Variants in EIF2B5 observed in about 807,000 individuals in gnomAD.
EIF2B5 encodes eukaryotic translation initiation factor 2B subunit epsilon, also known as translation initiation factor eIF2B subunit epsilon.
In EIF2B5, 38 loss-of-function variants were observed where a neutral mutation model predicts 87.3. The ratio of observed to expected loss-of-function variants is 0.44; its 90% CI spans 0.34 to 0.57. EIF2B5 has a LOEUF of 0.57. Ranked by LOEUF, EIF2B5 falls within the 20% of genes least tolerant of loss-of-function variation. The pLI, the probability that EIF2B5 is intolerant of heterozygous loss-of-function variation, is 0.02. For synonymous variants in EIF2B5, 313 were observed against 339.6 expected (o/e 0.92, Z 0.86); for missense variants, 784 against 909.5 (o/e 0.86, Z 1.78).
At position 184,143,077 on chromosome 3, in the gene EIF2B5, A is replaced by T. The variant is rs748631463; in HGVS notation, c.1680A>T (p.Thr560=). Residue 560 remains threonine, a synonymous_variant, in exon 12 of 16, where the codon ACA becomes ACT. Coordinates refer to ENST00000648915, the MANE Select transcript of EIF2B5 (RefSeq NM_003907.3). The part of the protein sequence containing the change: ...IKVFQNEVLG[T]LQRGKEENIS... ...TGTTCCAGAATGAAGTTTTAGGAAC[A>T]CTACAGCGGGGCAAAGAGGAGAACA... 10 of 1,613,794 alleles carry T rather than the reference A, an allele frequency of 6.2e-6. No individual in the cohort carries two copies. The East Asian group carries it at 1.8e-4, about 29-fold the overall frequency.
chr3:184,144,529 A>T, intron 14 of EIF2B5, 68 bp from the exon 15 acceptor site: 1 of 1,401,802 alleles, frequency 7.1e-7, no homozygotes, highest in Non-Finnish European at 1.0e-6. Flanking sequence ...GAGGGATCTG[A>T]GGGCCTGGTA....
At chr3:184,139,479 C>T (rs1347198405) in intron 5 of EIF2B5, among the ~76,000 whole-genome samples, 2 of 151,300 alleles carry the variant, frequency 1.3e-5, no homozygotes, top group African/African-American at 2.4e-5. Context: ...CGAGGTTTTA[C>T]CATGTTGGTC....
chr3:184,140,375 C>T, intron 6 of EIF2B5, 43 bp from the exon 7 acceptor site: 2 of 1,606,060 alleles, frequency 1.2e-6, no homozygotes, highest in Non-Finnish European at 1.7e-6. Context: ...GGCATTCTTC[C>T]TGTCTTTCTT....
rs867266088 is a variant in EIF2B5, at chr3:184,136,823, G to A, written c.320+87G>A. ...ATGTAACTAAGGGGAAATGTGAGAG[G>A]GGAAAAATGTGTCTACTTAGATGTC... is the stretch of plus-strand genomic sequence containing the variant. On this transcript the variant is annotated intron_variant, in intron 2 of 15. Transcript: ENST00000648915. 1.5e-5 allele frequency: 24 copies of A among 1,575,952 alleles called. 1 individual carries two copies. The highest frequency in any genetic ancestry group is 3.3e-4 in the Middle Eastern group (2 of 6,014).
intron 13 of EIF2B5, chr3:184,143,860 C>T: frequency 1.4e-6 from 1 of 698,566 alleles, no homozygotes; most frequent in South Asian, 1.8e-5. Flanking sequence ...CAAGATCAGC[C>T]TCTGGGGTGG....
intron 7 of EIF2B5, 75 bp downstream of exon 7, chr3:184,140,805 A>T (rs114094996): frequency 6.6e-7 from 1 of 1,524,828 alleles, no homozygotes; most frequent in Non-Finnish European, 9.0e-7. Flanking sequence ...CAGAAACACA[A>T]GGGATGGCTA....
Position 184,145,003 on chromosome 3 carries a change from C to A in EIF2B5, c.*60C>A. The stretch of plus-strand genomic sequence containing the variant: ...TGCCCTCCTGGCTCCTGGGCTGGGA[C>A]AAGTGAGGAACTAGCTGCAGAGGGA... On this transcript the variant is annotated 3_prime_UTR_variant, in exon 16 of 16. Coordinates refer to ENST00000648915, the MANE Select transcript of EIF2B5 (RefSeq NM_003907.3). This position sits in a 1 kb window ranked among gnomAD's most constrained non-coding sequence, Gnocchi z 4.0. 2 of 1,523,106 alleles carry A rather than the reference C, an allele frequency of 1.3e-6. No individual in the cohort carries two copies. The highest frequency in any genetic ancestry group is 9.1e-7 in the Non-Finnish European group (1 of 1,101,828). 94.3% of individuals were successfully genotyped at this position (1,523,106 alleles called of 1,614,324 possible).
rs28939717 is a variant in EIF2B5, at chr3:184,136,687, A to G, written c.271A>G (p.Thr91Ala). 83 of 1,614,210 alleles carry G rather than the reference A, an allele frequency of 5.1e-5. No individual in the cohort carries two copies. Among genetic ancestry groups the G allele is most frequent in the Non-Finnish European group, 7.0e-5 (83 of 1,180,046 alleles). ...EFLTATGVQE[T>A]FVFCCWKAAQ... Reference sequence around the variant, plus strand: ...CCTGACTGCCACAGGTGTACAGGAAACATTTGTCTTTTGTTGCTGGAAAGC... The same window carrying G: ...CCTGACTGCCACAGGTGTACAGGAAGCATTTGTCTTTTGTTGCTGGAAAGC... The change falls in exon 2 of 16, where the codon ACA becomes GCA. Residue 91 changes from threonine to alanine, a missense_variant. By Grantham distance (58) the Thr-to-Ala change is moderately conservative. Coordinates refer to ENST00000648915, the MANE Select transcript of EIF2B5 (RefSeq NM_003907.3).
At position 184,142,212 on chromosome 3, in the gene EIF2B5, G is replaced by C; in HGVS notation, c.1303-25G>C. 1 of 1,614,024 alleles carries C rather than the reference G, an allele frequency of 6.2e-7. No individual in the cohort carries two copies. On this transcript the variant is annotated intron_variant, in intron 8 of 15. Coordinates refer to ENST00000648915, the MANE Select transcript of EIF2B5 (RefSeq NM_003907.3). The surrounding 1 kb of genome is among the most constrained non-coding windows in gnomAD (Gnocchi z 5.0). ...ATGCACTTTTCCTCCACACCCTAAT[G>C]GTTCTGTGTTTTTTTTCCCCTTAGG...
chr3:184,144,764 C>T, intron 15 of EIF2B5, 57 bp downstream of exon 15: 1 of 1,586,820 alleles, frequency 6.3e-7, no homozygotes, highest in Non-Finnish European at 8.6e-7. Context: ...AGGTCCTGGC[C>T]CCTAGACTCT....
intron 7 of EIF2B5, among the ~76,000 whole-genome samples, chr3:184,141,479 G>A (rs1159882182): frequency 6.6e-6 from 1 of 152,110 alleles, no homozygotes; most frequent in African/African-American, 2.4e-5. Context: ...TGAGGCAGGA[G>A]GATTACCTGA....
At chr3:184,143,252 G>T (rs1016680169) in intron 12 of EIF2B5, 110 bp downstream of exon 12, 4 of 1,471,206 alleles carry the variant, frequency 2.7e-6, no homozygotes, top group Non-Finnish European at 3.7e-6. Context: ...ATCCCAAATG[G>T]AAAGACCAGT....
chr3:184,140,313 G>A, intron 6 of EIF2B5, 105 bp from the exon 7 acceptor site: 6 of 1,416,914 alleles, frequency 4.2e-6, no homozygotes, highest in Non-Finnish European at 6.0e-6. Flanking sequence ...GAATCTTTGT[G>A]GCAGTGAGAG....
At chr3:184,137,547 G>A (rs1403864036) in intron 2 of EIF2B5, 73 bp from the exon 3 acceptor site, 2 of 1,494,904 alleles carry the variant, frequency 1.3e-6, no homozygotes, top group Non-Finnish European at 1.9e-6. Flanking sequence ...GCTGAAAGGG[G>A]GTGAAAAATG....
Position 184,137,702 on chromosome 3 carries a change from C to T in EIF2B5, c.403C>T (p.Leu135Phe), listed in dbSNP as rs1331159996. Reference protein sequence around the residue: ...SELYRSLGDVLRDVDAKALVR... With the variant: ...SELYRSLGDVFRDVDAKALVR... ...GCTCTATCGATCACTGGGAGATGTCCTCCGTGATGTTGATGCCAAGGCTTT... is the reference window on the plus strand; with the variant it reads ...GCTCTATCGATCACTGGGAGATGTCTTCCGTGATGTTGATGCCAAGGCTTT... The change falls in exon 3 of 16, where the codon CTC becomes TTC. Residue 135 changes from leucine to phenylalanine, a missense_variant. Physicochemically the swap from Leu to Phe is conservative, Grantham distance 22. Transcript: ENST00000648915. The T allele has an allele frequency of 1.9e-6, 3 of 1,614,060 alleles. No individual in the cohort carries two copies. Among genetic ancestry groups the T allele is most frequent in the Non-Finnish European group, 1.7e-6 (2 of 1,180,056 alleles).
chr3:184,144,913 G>A lies in EIF2B5; in HGVS notation c.2136G>A (p.Glu712=), dbSNP rs1713801289. The change falls in exon 16 of 16, where the codon GAG becomes GAA. Residue 712 remains glutamate, a synonymous_variant. Transcript: ENST00000648915. ...QLQRFIQWLK[E]AEEESSEDD ...AGAGGTTCATCCAGTGGCTAAAAGAGGCAGAAGAGGAGTCATCTGAAGATG... is the reference window on the plus strand; with the variant it reads ...AGAGGTTCATCCAGTGGCTAAAAGAAGCAGAAGAGGAGTCATCTGAAGATG... 4 of 1,613,652 alleles carry A rather than the reference G, an allele frequency of 2.5e-6. No homozygotes were observed. The highest frequency in any genetic ancestry group is 2.2e-5 in the South Asian group (2 of 91,014).
Position 184,135,440 on chromosome 3 carries a change from CGCAGCGGCGCGGGGCCGGGAG to C in EIF2B5, c.63_83del (p.Ala22_Gly28del). 1 of 1,581,118 alleles carries C rather than the reference CGCAGCGGCGCGGGGCCGGGAG, an allele frequency of 6.3e-7. No individual in the cohort carries two copies. The highest frequency in any genetic ancestry group is 1.9e-5 in the Admixed American group (1 of 53,036). On this transcript the variant is annotated inframe_deletion, in exon 1 of 16. Coordinates refer to ENST00000648915, the MANE Select transcript of EIF2B5 (RefSeq NM_003907.3). ...TGTGGTGGTTAGTCGGGCTAACAAG[CGCAGCGGCGCGGGGCCGGGAG>C]GCAGCGGTGGCGGGGGAGCCAGAGG...
rs2109011957 is a variant in EIF2B5, at chr3:184,144,233, G to T, written c.1995+9G>T. On this transcript the variant is annotated intron_variant, in intron 14 of 15. Coordinates refer to ENST00000648915, the MANE Select transcript of EIF2B5 (RefSeq NM_003907.3). ...GTATTTCCATGGCCAAGGTGAATATGACCTCAAGCCCCATTCTTCTGCACT... is the reference window on the plus strand; with the variant it reads ...GTATTTCCATGGCCAAGGTGAATATTACCTCAAGCCCCATTCTTCTGCACT... 6.2e-7 allele frequency: 1 copy of T among 1,613,832 alleles called. No individual in the cohort carries two copies. The highest frequency in any genetic ancestry group is 1.1e-5 in the South Asian group (1 of 91,034).
At chr3:184,140,866 A>G in intron 7 of EIF2B5, 136 bp downstream of exon 7, 1 of 1,001,386 alleles carries the variant, frequency 1.0e-6, no homozygotes, top group South Asian at 1.4e-5. Context: ...CTACCTCAGG[A>G]AAGGAGGAAA....
Sources: allele counts gnomAD v4.1 joint callset (sites outside exome capture counted in the v4.1 genomes callset), GRCh38; gene constraint gnomAD v4.1.1; non-coding constraint Gnocchi (gnomAD v3.1); transcripts MANE v1.5; gene names NCBI Gene and HGNC (gene_info 2026-07-23, HGNC 2026-07-21).